DOCK7: variants seen among roughly 807,000 people sequenced by gnomAD.
DOCK7 encodes dedicator of cytokinesis protein 7.
In DOCK7, 138 loss-of-function variants were observed where a neutral mutation model predicts 271.0. That is an observed-to-expected ratio of 0.51 (90% CI 0.44 to 0.59). The LOEUF (loss-of-function observed/expected upper bound fraction) is 0.59. Ranked by LOEUF, DOCK7 falls within the 20% of genes least tolerant of loss-of-function variation. The pLI, the probability that DOCK7 is intolerant of heterozygous loss-of-function variation, is 0.00. For missense variants in DOCK7, 2,066 were observed against 2,592.4 expected (o/e 0.80, Z 4.41); for synonymous variants, 823 against 876.1 (o/e 0.94, Z 1.07).
rs79405469 is a variant in DOCK7 at position 62,555,002 on chromosome 1, G to A, written c.2596+823C>T. ...TCAACATTGCCAAAAGCTGATAAAA[G>A]GCACTTGCCATTATCATTAATGTCA... is the stretch of plus-strand genomic sequence containing the variant. On this transcript the variant is annotated intron_variant, in intron 21 of 49. Transcript: ENST00000635253. Among the ~76,000 whole-genome samples, 555 of 152,234 alleles carry A rather than the reference G, an allele frequency of 3.6e-3. 1 individual carries two copies. The highest frequency in any genetic ancestry group is 0.011 in the African/African-American group (441 of 41,542).
At chr1:62,504,263 A>G (rs887791610) in intron 37 of DOCK7, among the ~76,000 whole-genome samples, 2 of 152,186 alleles carry the variant, frequency 1.3e-5, no homozygotes, top group Non-Finnish European at 2.9e-5. Flanking sequence ...CATATAATAA[A>G]AGACAAATGA....
chr1:62,494,178 C>T, intron 40 of DOCK7, 97 bp downstream of exon 40: 2 of 1,166,830 alleles, frequency 1.7e-6, no homozygotes, highest in South Asian at 4.0e-5. Flanking sequence ...AGTCTTTAAG[C>T]TTTCCTTATA....
chr1:62,687,742 C>G (rs1442267289), intron 1 of DOCK7: 2 of 152,404 alleles, frequency 1.3e-5, no homozygotes, highest in Non-Finnish European at 2.9e-5. Flanking sequence ...CCACCCGCCC[C>G]GAGCCGCCGC....
Position 62,537,921 on chromosome 1 carries a change from T to C in DOCK7, c.3441A>G (p.Pro1147=). The C allele has an allele frequency of 6.2e-7, 1 of 1,613,772 alleles. No homozygotes were observed. The highest frequency in any genetic ancestry group is 1.3e-5 in the African/African-American group (1 of 75,034). Residue 1147 remains proline (P), a synonymous_variant, in exon 28 of 50, where the codon CCA becomes CCG. Transcript: ENST00000635253. The part of the protein sequence containing the change: ...PCSLLTPPAS[P]SPSVSSATSQ... ...ATGTTGCAGAAGAAACAGAAGGTGA[T>C]GGAGATGCAGGTGGAGTAAGTAAGC...
intron 14 of DOCK7, among the ~76,000 whole-genome samples, chr1:62,616,420 T>G (rs1652442925): frequency 6.8e-6 from 1 of 147,916 alleles, no homozygotes; most frequent in Admixed American, 6.7e-5. Flanking sequence ...GTGTAGATTT[T>G]GAGGCTAATG....
intron 43 of DOCK7, chr1:62,485,213 A>G: frequency 1.0e-6 from 1 of 985,448 alleles, no homozygotes; most frequent in African/African-American, 1.7e-5. Flanking sequence ...ATAAAAGTGA[A>G]CACTAAACAG....
At chr1:62,686,577 G>A (rs1479336335) in intron 1 of DOCK7, among the ~76,000 whole-genome samples, 4 of 152,048 alleles carry the variant, frequency 2.6e-5, no homozygotes, top group African/African-American at 9.7e-5. Context: ...ATAACTCCCT[G>A]GGAGAAACTA....
intron 22 of DOCK7, among the ~76,000 whole-genome samples, chr1:62,549,141 G>A (rs1390982188): frequency 1.3e-5 from 2 of 151,976 alleles, no homozygotes; most frequent in Admixed American, 6.6e-5. Context: ...AGACTGAAAA[G>A]GTATAATCAG....
At chr1:62,652,318 T>A (rs1003235351) in intron 4 of DOCK7, among the ~76,000 whole-genome samples, 8 of 152,174 alleles carry the variant, frequency 5.3e-5, no homozygotes, top group African/African-American at 1.9e-4. Flanking sequence ...CAGAGATACC[T>A]CATAACTTCT....
chr1:62,688,179 G>T (rs1046381889), intron 1 of DOCK7, 48 bp downstream of exon 1: 3 of 1,351,304 alleles, frequency 2.2e-6, no homozygotes, highest in Non-Finnish European at 9.6e-7. Flanking sequence ...GGACTCCGCG[G>T]CTCTTTCTCG....
intron 16 of DOCK7, among the ~76,000 whole-genome samples, chr1:62,579,603 G>A (rs747668585): frequency 3.9e-4 from 58 of 149,250 alleles, no homozygotes; most frequent in Middle Eastern, 3.5e-3. Flanking sequence ...TTGGGAGGCC[G>A]AGATGAGAGG....
intron 29 of DOCK7, among the ~76,000 whole-genome samples, chr1:62,531,756 A>G (rs1645180949): frequency 1.3e-5 from 2 of 152,230 alleles, no homozygotes; most frequent in African/African-American, 4.8e-5. Context: ...CATATAATCT[A>G]TATACCTCCC....
chr1:62,502,768 T>TC (rs894092558), intron 37 of DOCK7, among the ~76,000 whole-genome samples: 99 of 151,870 alleles, frequency 6.5e-4, no homozygotes, highest in African/African-American at 2.2e-3. Context: ...CACAATTTTT[T>TC]TTAAAGGGGA....
At chr1:62,628,839 C>T (rs1359013367) in intron 11 of DOCK7, 1 of 151,982 alleles carries the variant, frequency 6.6e-6, no homozygotes, top group South Asian at 2.1e-4. Context: ...AACTCAATGC[C>T]AAGAAGGTTA....
At chr1:62,538,842 A>G (rs1195380118) in intron 27 of DOCK7, among the ~76,000 whole-genome samples, 3 of 152,168 alleles carry the variant, frequency 2.0e-5, no homozygotes, top group African/African-American at 4.8e-5. Flanking sequence ...CCCCACCACC[A>G]TAAGTTTGAA....
rs201784083 is a variant in DOCK7, at chr1:62,468,360, CA to C, written c.6212+5621del. ...TGGGCAACAGAGCGAGACTCTGTCT[CA>C]AAAAAAAAAAAAAAAAAAGCATCAG... On this transcript the variant is annotated intron_variant, in intron 48 of 49. Transcript: ENST00000635253. 8.2e-3 allele frequency among the ~76,000 whole-genome samples: 758 copies of C among 93,002 alleles called. 1 individual carries two copies. The highest frequency in any genetic ancestry group is 0.014 in the African/African-American group (366 of 26,428). 61.0% of individuals were successfully genotyped at this position (93,002 alleles called of 152,430 possible). A position where few individuals can be genotyped will look rare whatever the true frequency, so the allele number is the denominator to read the frequency against.
intron 20 of DOCK7, 77 bp downstream of exon 20, chr1:62,558,912 T>C: frequency 1.7e-6 from 2 of 1,175,896 alleles, no homozygotes; most frequent in Non-Finnish European, 2.4e-6. Flanking sequence ...ATAGAAATCA[T>C]GTTTTTTTTT....
intron 1 of DOCK7, among the ~76,000 whole-genome samples, chr1:62,668,032 T>C (rs1353114538): frequency 2.0e-5 from 3 of 150,830 alleles, no homozygotes; most frequent in Non-Finnish European, 3.0e-5. Flanking sequence ...AAAAACAAAA[T>C]AAAATAAATA....
intron 43 of DOCK7, among the ~76,000 whole-genome samples, chr1:62,480,962 T>C (rs961906382): frequency 1.5e-4 from 20 of 133,872 alleles, no homozygotes; most frequent in Non-Finnish European, 3.0e-5. Flanking sequence ...TGAGCCGAGA[T>C]CGCGTCACTG....
Sources: gnomAD v4.1 joint callset for allele counts (sites outside exome capture counted in the v4.1 genomes callset) on GRCh38, gnomAD v4.1.1 for gene constraint, MANE v1.5 for transcripts, NCBI Gene and HGNC (gene_info 2026-07-23, HGNC 2026-07-21) for gene names.